Variants in ADAM17 observed in about 807,000 individuals in gnomAD.
ADAM17 encodes the protein ADAM metallopeptidase domain 17, also known as disintegrin and metalloproteinase domain-containing protein 17.
Under a neutral mutation model 96.7 loss-of-function variants are expected in ADAM17, and 39 were observed. That is an observed-to-expected ratio of 0.40 (90% CI 0.31 to 0.53). The LOEUF (loss-of-function observed/expected upper bound fraction) is 0.53. ADAM17 is among the 20% of genes least tolerant of loss of function. The pLI, the probability that ADAM17 is intolerant of heterozygous loss-of-function variation, is 0.44. For synonymous variants in ADAM17, 344 were observed against 359.2 expected (o/e 0.96, Z 0.48); for missense variants, 777 against 1,013.2 (o/e 0.77, Z 3.17).
intron 13 of ADAM17, among the ~76,000 whole-genome samples, chr2:9,497,493 T>C (rs1284062882): frequency 6.6e-6 from 1 of 152,154 alleles, no homozygotes; most frequent in Non-Finnish European, 1.5e-5. Flanking sequence ...GAATGCATGG[T>C]CTCCACTTCT....
chr2:9,542,489 T>C (rs1287013716), intron 2 of ADAM17, among the ~76,000 whole-genome samples: 1 of 152,042 alleles, frequency 6.6e-6, no homozygotes, highest in Non-Finnish European at 1.5e-5. Context: ...GGCTGTGGGG[T>C]CCTGAACAAA....
chr2:9,526,025 G>T (rs1285938218), intron 6 of ADAM17, 86 bp downstream of exon 6: 3 of 1,266,394 alleles, frequency 2.4e-6, no homozygotes, highest in Non-Finnish European at 3.2e-6. Context: ...CAGAGTATCT[G>T]GAACAGATCT....
chr2:9,534,169 G>T (rs1031552741), intron 4 of ADAM17, among the ~76,000 whole-genome samples: 4 of 152,182 alleles, frequency 2.6e-5, no homozygotes, highest in African/African-American at 9.7e-5. Context: ...AGGAGATCGA[G>T]ACCATCCTGG....
At chr2:9,546,715 CTT>C (rs59009659) in intron 1 of ADAM17, among the ~76,000 whole-genome samples, 6 of 137,796 alleles carry the variant, frequency 4.4e-5, no homozygotes, top group Non-Finnish European at 7.7e-5. Flanking sequence ...TGGCCATATT[CTT>C]TTTTTTTTTT....
intron 1 of ADAM17, among the ~76,000 whole-genome samples, chr2:9,544,429 G>A (rs898748006): frequency 3.3e-5 from 5 of 152,190 alleles, no homozygotes; most frequent in Non-Finnish European, 4.4e-5. Flanking sequence ...CTAGTTTGAG[G>A]CAGGAGAATC....
chr2:9,490,586 C>T, intron 18 of ADAM17, 68 bp from the exon 19 acceptor site: 1 of 1,437,438 alleles, frequency 7.0e-7, no homozygotes, highest in South Asian at 1.4e-5. Flanking sequence ...ACAGCTCCAC[C>T]CTTACCCATC....
chr2:9,505,454 C>T, intron 11 of ADAM17, 89 bp from the exon 12 acceptor site: 2 of 1,367,904 alleles, frequency 1.5e-6, no homozygotes, highest in Admixed American at 3.7e-5. Flanking sequence ...GAGACAAACT[C>T]TTAATGTAAA....
At chr2:9,534,098 A>AGT (rs1299279733) in intron 4 of ADAM17, among the ~76,000 whole-genome samples, 1 of 152,238 alleles carries the variant, frequency 6.6e-6, no homozygotes, top group African/African-American at 2.4e-5. Context: ...GGCCAGGCAC[A>AGT]GTGGCTCACG....
chr2:9,503,736 G>A (rs982783769), intron 12 of ADAM17, among the ~76,000 whole-genome samples: 1 of 151,858 alleles, frequency 6.6e-6, no homozygotes, highest in African/African-American at 2.4e-5. Context: ...TACTGGGGAG[G>A]CTGAGGCAGG....
At chr2:9,492,715 T>A (rs1035877743) in intron 17 of ADAM17, among the ~76,000 whole-genome samples, 183 bp downstream of exon 17, 10 of 152,136 alleles carry the variant, frequency 6.6e-5, no homozygotes, top group African/African-American at 1.7e-4. Context: ...GTATTTTTTT[T>A]AAAAGACCAT....
intron 5 of ADAM17, among the ~76,000 whole-genome samples, chr2:9,526,645 A>G (rs991307143): frequency 5.3e-5 from 8 of 152,078 alleles, no homozygotes; most frequent in Admixed American, 5.2e-4. Flanking sequence ...AAAATACAAA[A>G]ATTAGCCAGA....
At chr2:9,547,070 T>C (rs1471756976) in intron 1 of ADAM17, among the ~76,000 whole-genome samples, 1 of 152,256 alleles carries the variant, frequency 6.6e-6, no homozygotes, top group Non-Finnish European at 1.5e-5. Context: ...AGCACCTTCC[T>C]TACTTTCTAC....
chr2:9,522,307 T>C (rs1664348785), intron 7 of ADAM17: 2 of 494,822 alleles, frequency 4.0e-6, no homozygotes, highest in African/African-American at 3.8e-5. Context: ...ACGACATCTC[T>C]AGAAAGATAC....
intron 2 of ADAM17, among the ~76,000 whole-genome samples, chr2:9,540,080 T>C (rs1338300424): frequency 6.6e-6 from 1 of 152,232 alleles, no homozygotes; most frequent in Non-Finnish European, 1.5e-5. Context: ...CAATGTCATC[T>C]ACGAAACTTG....
chr2:9,500,831 T>G (rs1662955641), intron 13 of ADAM17, among the ~76,000 whole-genome samples: 3 of 152,104 alleles, frequency 2.0e-5, no homozygotes, highest in Non-Finnish European at 4.4e-5. Context: ...AAAGCAACAA[T>G]TGACCGAACA....
At chr2:9,551,257 G>A (rs55755872) in intron 1 of ADAM17, among the ~76,000 whole-genome samples, 22,276 of 151,594 alleles carry the variant, frequency 0.15, 1,913 homozygotes, top group Middle Eastern at 0.28. Flanking sequence ...AAAAAGGAAG[G>A]GGGGGAACGG....
At chr2:9,529,968 A>G (rs1445499658) in intron 4 of ADAM17, among the ~76,000 whole-genome samples, 1 of 143,590 alleles carries the variant, frequency 7.0e-6, no homozygotes, top group African/African-American at 2.8e-5. Flanking sequence ...CATCTCAAAA[A>G]TACACACACA....
chr2:9,538,875 C>T (rs909563499), intron 2 of ADAM17, among the ~76,000 whole-genome samples: 1 of 152,078 alleles, frequency 6.6e-6, no homozygotes, highest in Non-Finnish European at 1.5e-5. Context: ...AACTAAAGAC[C>T]AGCTAACCAG....
At chr2:9,510,432 G>A (rs1203435665) in intron 10 of ADAM17, among the ~76,000 whole-genome samples, 2 of 152,132 alleles carry the variant, frequency 1.3e-5, no homozygotes, top group Admixed American at 1.3e-4. Flanking sequence ...TTGGGAGGCT[G>A]AGGCAGGTGG....
Sources: gnomAD v4.1 joint callset for allele counts (sites outside exome capture counted in the v4.1 genomes callset) on GRCh38, gnomAD v4.1.1 for gene constraint, MANE v1.5 for transcripts, NCBI Gene and HGNC (gene_info 2026-07-23, HGNC 2026-07-21) for gene names.